The following MRRF variants were observed in gnomAD, a reference collection of about 807,000 sequenced individuals.
MRRF encodes the protein mitochondrial ribosome recycling factor, also known as ribosome-recycling factor, mitochondrial.
MRRF carries 18 observed loss-of-function variants against 25.1 expected under a neutral mutation model. The ratio of observed to expected loss-of-function variants is 0.72; its 90% CI spans 0.50 to 1.06. The LOEUF (loss-of-function observed/expected upper bound fraction) is 1.06. Ranked by LOEUF, MRRF falls within the 50% of genes least tolerant of loss-of-function variation. MRRF has a pLI of 0.00. For synonymous variants in MRRF, 113 were observed against 112.1 expected (o/e 1.01, Z -0.05); for missense variants, 323 against 319.3 (o/e 1.01, Z -0.09).
rs369265169 is a variant in MRRF at position 122,299,356 on chromosome 9, C to A, written c.551+7516C>A. Among the ~76,000 whole-genome samples the A allele has an allele frequency of 3.3e-5, 5 of 151,864 alleles. No individual in the cohort carries two copies. The South Asian group carries it at 6.2e-4, about 19-fold the overall frequency. On this transcript the variant is annotated intron_variant, in intron 5 of 6. Transcript: ENST00000344641. ...TCTCGAACTCCTGACCTCAAGTGATCCACCCATTTCAGCCTCCCAAAGTGC... is the reference window on the plus strand; with the variant it reads ...TCTCGAACTCCTGACCTCAAGTGATACACCCATTTCAGCCTCCCAAAGTGC...
chr9:122,274,668 A>G (rs1832671229), intron 2 of MRRF, among the ~76,000 whole-genome samples: 1 of 151,292 alleles, frequency 6.6e-6, no homozygotes, highest in African/African-American at 2.4e-5. Flanking sequence ...ATTTTAGGAA[A>G]TTTTTCATTT....
At chr9:122,291,864 A>C (rs1588042455) in intron 5 of MRRF, 24 bp downstream of exon 5, 1 of 1,546,774 alleles carries the variant, frequency 6.5e-7, no homozygotes, top group Middle Eastern at 1.7e-4. Flanking sequence ...AAATTCACAT[A>C]TTTTGATGAA....
chr9:122,290,825 G>T (rs1833714636), intron 4 of MRRF, among the ~76,000 whole-genome samples: 1 of 152,130 alleles, frequency 6.6e-6, no homozygotes, highest in Non-Finnish European at 1.5e-5. Flanking sequence ...TTGGGAAATG[G>T]GTGTGCCAGT....
intron 4 of MRRF, among the ~76,000 whole-genome samples, chr9:122,288,805 T>C (rs1564487709): frequency 6.6e-6 from 1 of 152,220 alleles, no homozygotes; most frequent in African/African-American, 2.4e-5. Flanking sequence ...TAGCACAGAT[T>C]AGCTTAGAAT....
chr9:122,313,368 T>C lies in MRRF; in HGVS notation c.693T>C (p.Ile231=). Residue 231 remains isoleucine, a synonymous_variant, in exon 6 of 7, where the codon ATT becomes ATC. Coordinates refer to ENST00000344641, the MANE Select transcript of MRRF (RefSeq NM_138777.5). ...KSKDTVSEDT[I]RLIEKQISQM... ...AGGATACAGTCTCAGAGGACACCAT[T>C]AGGCTAATAGAGAAACAGGTACTAT... 1.9e-6 allele frequency: 3 copies of C among 1,614,056 alleles called. No homozygotes were observed. The Middle Eastern group carries it at 4.9e-4, about 266-fold the overall frequency.
chr9:122,282,060 C>G (rs1256261093), intron 3 of MRRF, among the ~76,000 whole-genome samples: 1 of 152,164 alleles, frequency 6.6e-6, no homozygotes, highest in Non-Finnish European at 1.5e-5. Context: ...TTCCTCTTTC[C>G]TTTCTCTTCA....
intron 6 of MRRF, among the ~76,000 whole-genome samples, chr9:122,320,062 A>G (rs779716479): frequency 2.0e-5 from 3 of 151,204 alleles, no homozygotes; most frequent in Non-Finnish European, 4.4e-5. Flanking sequence ...TTTTTTAGAG[A>G]TGGGGTTTCC....
At chr9:122,283,526 A>G (rs1833207320) in intron 3 of MRRF, among the ~76,000 whole-genome samples, 1 of 152,214 alleles carries the variant, frequency 6.6e-6, no homozygotes, top group Admixed American at 6.5e-5. Context: ...TGGTCTTCAG[A>G]ATAACAAAGA....
At chr9:122,294,539 AGGTGGTG>A (rs1833967818) in intron 5 of MRRF, among the ~76,000 whole-genome samples, 1 of 152,198 alleles carries the variant, frequency 6.6e-6, no homozygotes, top group Non-Finnish European at 1.5e-5. Context: ...CCCTTTGACA[AGGTGGTG>A]GGGTCATGAG....
intron 6 of MRRF, among the ~76,000 whole-genome samples, chr9:122,315,611 AGAG>A (rs1835466318): frequency 6.6e-6 from 1 of 152,194 alleles, no homozygotes; most frequent in Non-Finnish European, 1.5e-5. Context: ...AGCTAAAAGA[AGAG>A]GTTCAGAGAT....
At chr9:122,322,226 G>A (rs921317852) in intron 6 of MRRF, among the ~76,000 whole-genome samples, 4 of 152,082 alleles carry the variant, frequency 2.6e-5, no homozygotes, top group East Asian at 1.9e-4. Flanking sequence ...AGCCGGGCGC[G>A]GTGGCGGGCA....
intron 6 of MRRF, among the ~76,000 whole-genome samples, chr9:122,321,093 G>A (rs1588093385): frequency 6.6e-6 from 1 of 152,206 alleles, no homozygotes; most frequent in East Asian, 1.9e-4. Flanking sequence ...GGCTGGATGT[G>A]ACAGAGATGG....
intron 3 of MRRF, among the ~76,000 whole-genome samples, chr9:122,283,459 T>A (rs958260940): frequency 3.3e-5 from 5 of 152,010 alleles, no homozygotes; most frequent in Non-Finnish European, 5.9e-5. Context: ...CTGAAGGGGG[T>A]CTACCCATGG....
rs1421604042 is a variant in MRRF at position 122,327,256 on chromosome 9, GATA to G, written c.*4647_*4649del. Reference sequence around the variant, plus strand: ...AAATGTTCACCAAGCAGTGAATAATGATAATAATAACAACAATAACAGTATTGA... The same window carrying G: ...AAATGTTCACCAAGCAGTGAATAATGATAATAACAACAATAACAGTATTGA... On this transcript the variant is annotated 3_prime_UTR_variant, in exon 7 of 7. Coordinates refer to ENST00000344641, the MANE Select transcript of MRRF (RefSeq NM_138777.5). 6 of 152,146 alleles carry G rather than the reference GATA, an allele frequency of 3.9e-5. No individual in the cohort carries two copies. In the South Asian group the frequency reaches 6.2e-4, roughly 16 times the overall value. 9.4% of individuals were successfully genotyped at this position (152,146 alleles called of 1,614,324 possible). A position where few individuals can be genotyped will look rare whatever the true frequency, so the allele number is the denominator to read the frequency against.
chr9:122,326,972 C>T lies in MRRF; in HGVS notation c.*4355C>T, dbSNP rs141762655. 3 of 152,306 alleles carry T rather than the reference C, an allele frequency of 2.0e-5. No individual in the cohort carries two copies. The highest frequency in any genetic ancestry group is 4.4e-5 in the Non-Finnish European group (3 of 68,026). The allele number at this position is 152,306 out of a possible 1,614,324, so 9.4% of individuals were successfully genotyped here. A position where few individuals can be genotyped will look rare whatever the true frequency, so the allele number is the denominator to read the frequency against. ...GTCCTTAATCAGTGTGCTTTGGTTC[C>T]CAAGTCTTCGCTGAACACTTACTCA... On this transcript the variant is annotated 3_prime_UTR_variant, in exon 7 of 7. Transcript: ENST00000344641.
intron 4 of MRRF, among the ~76,000 whole-genome samples, chr9:122,288,279 C>A (rs988674881): frequency 6.6e-6 from 1 of 152,210 alleles, no homozygotes; most frequent in Non-Finnish European, 1.5e-5. Context: ...ACTCTGCAGG[C>A]ACCATTATTG....
chr9:122,301,562 G>C (rs1834461464), intron 5 of MRRF, among the ~76,000 whole-genome samples: 1 of 152,180 alleles, frequency 6.6e-6, no homozygotes, highest in Non-Finnish European at 1.5e-5. Context: ...GAAGGATAGA[G>C]GGGAGAAGAG....
rs374748852 is a variant in MRRF, at chr9:122,291,860, A to G, written c.551+20A>G. 222 of 1,566,920 alleles carry G rather than the reference A, an allele frequency of 1.4e-4. No individual in the cohort carries two copies. In the African/African-American group the frequency reaches 2.5e-3, roughly 18 times the overall value. On this transcript the variant is annotated intron_variant, in intron 5 of 6. Coordinates refer to ENST00000344641, the MANE Select transcript of MRRF (RefSeq NM_138777.5). ...TCCCCAGTAAGTTTGGCTGAAATTC[A>G]CATATTTTGATGAAACGGGGTGGTT...
In MRRF at chr9:122,325,634, GTGT is replaced by G. The variant is rs1564522565; in HGVS notation, c.*3018_*3020del. On this transcript the variant is annotated 3_prime_UTR_variant, in exon 7 of 7. Transcript: ENST00000344641. ...TTTGAGAATTTTTTTCCTGTCTGGT[GTGT>G]GTGTGTGTGTGTGTGTGTGTGTGTG... 6 of 13,392 alleles carry G rather than the reference GTGT, an allele frequency of 4.5e-4. No homozygotes were observed. The highest frequency in any genetic ancestry group is 7.9e-4 in the Non-Finnish European group (4 of 5,088). 0.8% of individuals were successfully genotyped at this position (13,392 alleles called of 1,614,324 possible).
Sources: gnomAD v4.1 joint callset for allele counts (sites outside exome capture counted in the v4.1 genomes callset) on GRCh38, gnomAD v4.1.1 for gene constraint, MANE v1.5 for transcripts, NCBI Gene and HGNC (gene_info 2026-07-23, HGNC 2026-07-21) for gene names.